The following SBF2 variants were observed in gnomAD, a reference collection of about 807,000 sequenced individuals.
SBF2 encodes the protein SET binding factor 2.
Under a neutral mutation model 225.2 loss-of-function variants are expected in SBF2, and 112 were observed. The ratio of observed to expected loss-of-function variants is 0.50; its 90% CI spans 0.43 to 0.58. The LOEUF is 0.58. Ranked by LOEUF, SBF2 falls within the 20% of genes least tolerant of loss-of-function variation. The pLI is 0.00. For missense variants in SBF2, 1,996 were observed against 2,206.2 expected (o/e 0.90, Z 1.91); for synonymous variants, 763 against 773.3 (o/e 0.99, Z 0.22).
At position 9,824,160 on chromosome 11, in the gene SBF2, G is replaced by T. The variant is rs113948378; in HGVS notation, c.3793+5196C>A. 6.0e-3 allele frequency among the ~76,000 whole-genome samples: 919 copies of T among 152,282 alleles called. 6 individuals are homozygous for T. Among genetic ancestry groups the T allele is most frequent in the Admixed American group, 0.011 (162 of 15,296 alleles). ...AGCCTTCTGGGTGCCTTTAGGATTAGCAAAGAATGGAGTCATAAGAATATA... is the reference window on the plus strand; with the variant it reads ...AGCCTTCTGGGTGCCTTTAGGATTATCAAAGAATGGAGTCATAAGAATATA... On this transcript the variant is annotated intron_variant, in intron 28 of 39. Coordinates refer to ENST00000256190, the MANE Select transcript of SBF2 (RefSeq NM_030962.4).
intron 2 of SBF2, among the ~76,000 whole-genome samples, chr11:10,142,160 G>A (rs1954677462): frequency 6.6e-6 from 1 of 152,088 alleles, no homozygotes; most frequent in East Asian, 1.9e-4. Context: ...ATTTTTCTTA[G>A]CAAAGAAGTA....
chr11:9,832,782 C>A (rs1379353308), intron 26 of SBF2, among the ~76,000 whole-genome samples: 3 of 152,078 alleles, frequency 2.0e-5, no homozygotes, highest in Non-Finnish European at 1.5e-5. Context: ...CTTCTGAATT[C>A]TTCAGGGATT....
chr11:9,828,003 G>T, intron 28 of SBF2: 1 of 478,166 alleles, frequency 2.1e-6, no homozygotes, highest in Non-Finnish European at 3.4e-6. Flanking sequence ...CATTCATTCA[G>T]AAGAGGGTAA....
At chr11:10,020,899 C>T (rs563830436) in intron 6 of SBF2, among the ~76,000 whole-genome samples, 7 of 151,662 alleles carry the variant, frequency 4.6e-5, no homozygotes, top group Non-Finnish European at 1.0e-4. Context: ...TGAACAAAAA[C>T]TTTTTTAAGA....
intron 28 of SBF2, among the ~76,000 whole-genome samples, chr11:9,817,729 AC>A (rs2133912637): frequency 7.1e-6 from 1 of 140,274 alleles, no homozygotes; most frequent in East Asian, 2.1e-4. Flanking sequence ...ACATGGTGAA[AC>A]CCCGTCTCTA....
At chr11:10,153,304 G>A (rs902233830) in intron 2 of SBF2, among the ~76,000 whole-genome samples, 1 of 152,068 alleles carries the variant, frequency 6.6e-6, no homozygotes, top group African/African-American at 2.4e-5. Flanking sequence ...CACAAAACTA[G>A]CATTCATAAA....
In SBF2 at chr11:9,998,367, T is replaced by C. The variant is rs1458921072; in HGVS notation, c.874A>G (p.Ile292Val). The change falls in exon 9 of 40, where the codon ATA becomes GTA. Residue 292 changes from isoleucine (I) to valine (V), a missense_variant. Coordinates refer to ENST00000256190, the MANE Select transcript of SBF2 (RefSeq NM_030962.4). ...ATAGTGCCTCCATCCAAATCTGCTA[T>C]GATTACATCTAACTGAAAGAGATAA... is the stretch of plus-strand genomic sequence containing the variant. ...TDVHELLDVI[I>V]ADLDGGTIKI... 3 of 1,565,126 alleles carry C rather than the reference T, an allele frequency of 1.9e-6. No individual in the cohort carries two copies. Among genetic ancestry groups the C allele is most frequent in the Non-Finnish European group, 2.6e-6 (3 of 1,137,464 alleles).
At chr11:9,867,710 T>C (rs1237127703) in intron 17 of SBF2, among the ~76,000 whole-genome samples, 1 of 152,178 alleles carries the variant, frequency 6.6e-6, no homozygotes, top group Non-Finnish European at 1.5e-5. Context: ...AATCCTGTCA[T>C]TTGCAGCAAC....
intron 14 of SBF2, among the ~76,000 whole-genome samples, chr11:9,966,391 G>C (rs993976248): frequency 3.3e-5 from 5 of 152,130 alleles, no homozygotes; most frequent in African/African-American, 1.2e-4. Context: ...CGCCCAGCCA[G>C]AAAACATATT....
chr11:9,867,219 T>C (rs557585779), intron 17 of SBF2, among the ~76,000 whole-genome samples: 1 of 152,308 alleles, frequency 6.6e-6, no homozygotes, highest in Admixed American at 6.5e-5. Flanking sequence ...TGCATGCTTG[T>C]ATCAAAACAT....
intron 6 of SBF2, among the ~76,000 whole-genome samples, chr11:10,003,754 A>T (rs1040774945): frequency 6.6e-6 from 1 of 151,800 alleles, no homozygotes; most frequent in East Asian, 1.9e-4. Context: ...TATGGTATTT[A>T]TAAACTCTTT....
intron 2 of SBF2, among the ~76,000 whole-genome samples, chr11:10,159,310 G>C (rs1228880067): frequency 6.6e-6 from 1 of 152,202 alleles, no homozygotes; most frequent in Non-Finnish European, 1.5e-5. Context: ...GATTACATTT[G>C]TGGGACTAAC....
At chr11:10,042,254 TC>T (rs1949682856) in intron 3 of SBF2, among the ~76,000 whole-genome samples, 1 of 152,190 alleles carries the variant, frequency 6.6e-6, no homozygotes, top group African/African-American at 2.4e-5. Flanking sequence ...CCCTAAAATT[TC>T]ACAAGTTGCC....
chr11:10,227,038 T>G (rs1398502571), intron 1 of SBF2, among the ~76,000 whole-genome samples: 5 of 152,176 alleles, frequency 3.3e-5, no homozygotes, highest in Admixed American at 3.3e-4. Flanking sequence ...GAGATGGTAT[T>G]TCATGGTGGT....
chr11:10,065,485 A>T (rs941575849), intron 2 of SBF2, among the ~76,000 whole-genome samples: 2 of 151,410 alleles, frequency 1.3e-5, no homozygotes, highest in East Asian at 1.9e-4. Context: ...TCTTTGAGAT[A>T]AAAAAAACTT....
intron 2 of SBF2, among the ~76,000 whole-genome samples, chr11:10,084,242 C>A (rs1951470661): frequency 6.6e-6 from 1 of 151,528 alleles, no homozygotes; most frequent in Admixed American, 6.6e-5. Flanking sequence ...TATCCTGGAA[C>A]TTTTGGAAAA....
intron 32 of SBF2, among the ~76,000 whole-genome samples, chr11:9,804,527 A>G (rs575094086): frequency 6.6e-6 from 1 of 152,328 alleles, no homozygotes; most frequent in East Asian, 1.9e-4. Context: ...CAGTTGTGTA[A>G]CCATCACCAC....
intron 6 of SBF2, among the ~76,000 whole-genome samples, chr11:10,023,780 C>G (rs1043406816): frequency 2.6e-5 from 4 of 152,194 alleles, no homozygotes; most frequent in African/African-American, 7.2e-5. Flanking sequence ...AGCTGAATGA[C>G]ATTTGGATTG....
chr11:9,803,900 C>T (rs6483726), intron 32 of SBF2, among the ~76,000 whole-genome samples: 118,254 of 151,952 alleles, frequency 0.78, 47,365 homozygotes, highest in Non-Finnish European at 0.87. Context: ...AGAAGCTATA[C>T]TGGGATTCCT....
Sources: allele counts gnomAD v4.1 joint callset (sites outside exome capture counted in the v4.1 genomes callset), GRCh38; gene constraint gnomAD v4.1.1; transcripts MANE v1.5; gene names NCBI Gene and HGNC (gene_info 2026-07-23, HGNC 2026-07-21).